The following CEACAM20 variants were observed in gnomAD, a reference collection of about 807,000 sequenced individuals.
CEACAM20 encodes CEA cell adhesion molecule 20.
A neutral mutation model predicts 61.2 loss-of-function variants in CEACAM20; 50 were observed. The observed-to-expected ratio is 0.82, with a 90% confidence interval of 0.65 to 1.03. The LOEUF is 1.03. CEACAM20 is among the 50% of genes least tolerant of loss of function. The pLI, the probability that CEACAM20 is intolerant of heterozygous loss-of-function variation, is 0.00. For synonymous variants in CEACAM20, 282 were observed against 287.7 expected, an observed-to-expected ratio of 0.98 and a Z score of 0.20; for missense variants, 683 against 736.4, an observed-to-expected ratio of 0.93 and a Z score of 0.84.
Position 44,525,258 on chromosome 19 carries a change from G to A in CEACAM20, c.53-14C>T. ...TACAAAGCGAGGCTACAAGGGGAGA[G>A]AGGAGGCATTCAGGGAGGGAGAGGT... On this transcript the variant is annotated splice_polypyrimidine_tract_variant and intron_variant, in intron 1 of 11. Transcript: ENST00000614924. The A allele has an allele frequency of 6.4e-7, 1 of 1,562,476 alleles. No homozygotes were observed. Among genetic ancestry groups the A allele is most frequent in the Non-Finnish European group, 8.6e-7 (1 of 1,157,258 alleles).
At chr19:44,511,551 T>C in intron 10 of CEACAM20, 86 bp downstream of exon 10, 2 of 1,314,200 alleles carry the variant, frequency 1.5e-6, no homozygotes, top group Non-Finnish European at 2.2e-6. Flanking sequence ...TTAGACAAGA[T>C]GATCTCTCAG....
intron 6 of CEACAM20, among the ~76,000 whole-genome samples, chr19:44,514,997 C>G (rs1400498844): frequency 2.0e-5 from 3 of 151,632 alleles, no homozygotes; most frequent in Non-Finnish European, 2.9e-5. Context: ...ACCACCACGC[C>G]TGGCTAATTT....
rs935190926 is a variant in CEACAM20 at position 44,520,756 on chromosome 19, G to C, written c.752-4C>G. 1.9e-6 allele frequency: 3 copies of C among 1,610,526 alleles called. No homozygotes were observed. In the Admixed American group the frequency reaches 5.0e-5, roughly 27 times the overall value. The stretch of plus-strand genomic sequence containing the variant: ...ACTTGAGGCATGGTCAGTGTTTCTG[G>C]AAACACGTGGAGATACACAGTCAGG... On this transcript the variant is annotated splice_polypyrimidine_tract_variant and splice_region_variant and intron_variant, in intron 4 of 11. Coordinates refer to ENST00000614924, the MANE Select transcript of CEACAM20 (RefSeq NM_001102597.3).
intron 11 of CEACAM20, among the ~76,000 whole-genome samples, chr19:44,508,452 C>T (rs1002974202): frequency 4.6e-5 from 7 of 152,112 alleles, no homozygotes; most frequent in Non-Finnish European, 8.8e-5. Context: ...TGCAGTAGCT[C>T]GACCTCAGCT....
chr19:44,529,533 G>T lies in CEACAM20; in HGVS notation c.-24C>A. 1 of 1,612,976 alleles carries T rather than the reference G, an allele frequency of 6.2e-7. No homozygotes were observed. The highest frequency in any genetic ancestry group is 8.5e-7 in the Non-Finnish European group (1 of 1,179,176). On this transcript the variant is annotated 5_prime_UTR_variant, in exon 1 of 12. Transcript: ENST00000614924. ...ATGGGTCCCGGCACCTGACTTCAGT[G>T]TGCCAGGCCGTCTGTCGCCCCGGCT... is the stretch of plus-strand genomic sequence containing the variant.
chr19:44,513,628 G>A (rs1024784706), intron 6 of CEACAM20, among the ~76,000 whole-genome samples: 2 of 151,466 alleles, frequency 1.3e-5, no homozygotes, highest in Admixed American at 6.6e-5. Flanking sequence ...TGGTAGAGAG[G>A]GGGTGTTTCA....
rs772273465 is a variant in CEACAM20 at position 44,511,124 on chromosome 19, T to C, written c.1643A>G (p.Asn548Ser). ...TGGTGGCTTCCAGGGGCTGAAAGAATTGCCTCTACGGCTTGCTGAAGGCAG... is the reference window on the plus strand; with the variant it reads ...TGGTGGCTTCCAGGGGCTGAAAGAACTGCCTCTACGGCTTGCTGAAGGCAG... ...TKLPSASRRGNSFSPWKPPPK... is the reference protein window; with the variant it reads ...TKLPSASRRGSSFSPWKPPPK... Residue 548 changes from asparagine (N) to serine (S), a missense_variant, in exon 11 of 12, where the codon AAT (asparagine) becomes AGT (serine). By Grantham distance (46) the Asn-to-Ser change is conservative. Coordinates refer to ENST00000614924, the MANE Select transcript of CEACAM20 (RefSeq NM_001102597.3). 1.2e-6 allele frequency: 2 copies of C among 1,613,912 alleles called. No individual in the cohort carries two copies. Among genetic ancestry groups the C allele is most frequent in the Non-Finnish European group, 1.7e-6 (2 of 1,179,860 alleles).
chr19:44,528,194 T>TTCCTTTCTTTCTC (rs1971593110), intron 1 of CEACAM20, among the ~76,000 whole-genome samples: 1 of 150,822 alleles, frequency 6.6e-6, no homozygotes, highest in Non-Finnish European at 1.5e-5. Context: ...CTTTCTTTCT[T>TTCCTTTCTTTCTC]TCCTTTCTTT....
chr19:44,525,837 G>A (rs1335173061), intron 1 of CEACAM20, among the ~76,000 whole-genome samples: 1 of 152,210 alleles, frequency 6.6e-6, no homozygotes, highest in African/African-American at 2.4e-5. Context: ...GGGTGGCAAT[G>A]AATATTGGCA....
rs368383252 is a variant in CEACAM20, at chr19:44,525,199, G to A, written c.98C>T (p.Thr33Ile). The part of the protein sequence containing the change: ...VWSPPAAAQL[T>I]LNANPLDATQ... ...GGCATCAAGTGGGTTGGCATTGAGGGTGAGCTGGGCTGCAGCTGGAGGACT... is the reference window on the plus strand; with the variant it reads ...GGCATCAAGTGGGTTGGCATTGAGGATGAGCTGGGCTGCAGCTGGAGGACT... Residue 33 changes from threonine (T) to isoleucine (I), a missense_variant, in exon 2 of 12, where the codon ACC becomes ATC. By Grantham distance (89) the Thr-to-Ile change is moderately conservative. Coordinates refer to ENST00000614924, the MANE Select transcript of CEACAM20 (RefSeq NM_001102597.3). The A allele has an allele frequency of 1.5e-5, 24 of 1,609,610 alleles. No homozygotes were observed. The African/African-American group carries it at 3.1e-4, about 21-fold the overall frequency.
intron 11 of CEACAM20, among the ~76,000 whole-genome samples, chr19:44,510,761 A>G (rs1486879187): frequency 6.6e-6 from 1 of 152,216 alleles, no homozygotes; most frequent in African/African-American, 2.4e-5. Flanking sequence ...GAAGTGATAT[A>G]GAAATACAGA....
Position 44,529,659 on chromosome 19 carries a change from C to T in CEACAM20, c.-150G>A. ...ACTCACACACACACTGCAGTAACTGCAGCTCCCAGGACAGACAGGGGTGGT... is the reference window on the plus strand; with the variant it reads ...ACTCACACACACACTGCAGTAACTGTAGCTCCCAGGACAGACAGGGGTGGT... On this transcript the variant is annotated 5_prime_UTR_variant, in exon 1 of 12. Transcript: ENST00000614924. 1.5e-6 allele frequency: 1 copy of T among 645,956 alleles called. No homozygotes were observed. The highest frequency in any genetic ancestry group is 2.7e-6 in the Non-Finnish European group (1 of 364,376). The allele number at this position is 645,956 out of a possible 1,614,324, so 40.0% of individuals were successfully genotyped here.
intron 11 of CEACAM20, among the ~76,000 whole-genome samples, chr19:44,508,947 A>T (rs1970895225): frequency 6.6e-6 from 1 of 152,232 alleles, no homozygotes; most frequent in Non-Finnish European, 1.5e-5. Context: ...AACTGCTTCA[A>T]ATCTCCCATG....
intron 5 of CEACAM20, among the ~76,000 whole-genome samples, chr19:44,518,046 G>A (rs967120432): frequency 6.7e-6 from 1 of 150,166 alleles, no homozygotes; most frequent in African/African-American, 2.5e-5. Context: ...ACTGCACTCC[G>A]TCCTAGGTGA....
At chr19:44,525,032 G>C (rs1028174378) in intron 2 of CEACAM20, 69 bp downstream of exon 2, 2 of 1,574,058 alleles carry the variant, frequency 1.3e-6, no homozygotes, top group East Asian at 2.4e-5. Flanking sequence ...GACTTTGGGC[G>C]TGAGGTTCGG....
At chr19:44,528,148 T>C (rs144365531) in intron 1 of CEACAM20, among the ~76,000 whole-genome samples, 2 of 103,258 alleles carry the variant, frequency 1.9e-5, no homozygotes, top group Non-Finnish European at 3.8e-5. Context: ...TTCTTTCTTT[T>C]CTTTCTTTCT....
Position 44,517,015 on chromosome 19 carries a change from A to G in CEACAM20, c.1240T>C (p.Tyr414His). Residue 414 changes from tyrosine to histidine, a missense_variant, in exon 6 of 12, where the codon TAC becomes CAC. By Grantham distance (83) the Tyr-to-His change is moderately conservative (BLOSUM62 2). Transcript: ENST00000614924. The part of the protein sequence containing the change: ...RALTWEHDGI[Y>H]NCTASNSLTG... ...AGAGAGTTGGAGGCTGTGCAGTTGT[A>G]GATCCCGTCGTGTTCCCAGGTCAGA... 6.3e-7 allele frequency: 1 copy of G among 1,596,808 alleles called. No individual in the cohort carries two copies. The highest frequency in any genetic ancestry group is 1.1e-5 in the South Asian group (1 of 88,004).
At position 44,525,134 on chromosome 19, in the gene CEACAM20, G is replaced by C. The variant is rs763232394; in HGVS notation, c.163C>G (p.Pro55Ala). 20 of 1,610,902 alleles carry C rather than the reference G, an allele frequency of 1.2e-5. No homozygotes were observed. The South Asian group carries it at 2.1e-4, about 17-fold the overall frequency. The stretch of plus-strand genomic sequence containing the variant: ...CTGCCATGAATCTGGGGTGTCCTGG[G>C]GGTCCCAAACACAGGCAGAACAACA... ...EDVVLPVFGTPRTPQIHGRSR... is the reference protein window; with the variant it reads ...EDVVLPVFGTARTPQIHGRSR... Residue 55 changes from proline to alanine, a missense_variant, in exon 2 of 12, where the codon CCC (proline) becomes GCC (alanine). Pro to Ala is a conservative substitution (Grantham distance 27). Transcript: ENST00000614924.
intron 9 of CEACAM20, among the ~76,000 whole-genome samples, 155 bp downstream of exon 9, chr19:44,511,862 T>A (rs995006425): frequency 1.3e-5 from 2 of 152,140 alleles, no homozygotes; most frequent in African/African-American, 4.8e-5. Flanking sequence ...CGGGAGGGTC[T>A]TGAGATCCTC....
Sources: allele counts gnomAD v4.1 joint callset (sites outside exome capture counted in the v4.1 genomes callset), GRCh38; gene constraint gnomAD v4.1.1; transcripts MANE v1.5; gene names NCBI Gene and HGNC (gene_info 2026-07-23, HGNC 2026-07-21).